Variants in BCHE observed in about 807,000 individuals in gnomAD.
BCHE encodes butyrylcholinesterase.
A neutral mutation model predicts 51.3 loss-of-function variants in BCHE; 48 were observed. The ratio of observed to expected loss-of-function variants is 0.94; its 90% CI spans 0.74 to 1.19. BCHE has a LOEUF of 1.19. Among genes scored for constraint, BCHE ranks in the 50% most tolerant of loss-of-function variants. The probability of loss-of-function intolerance (pLI) is 0.00; values close to 1 mark genes in which losing one functional copy is unlikely to be tolerated. For missense variants in BCHE, 847 were observed against 708.2 expected (o/e 1.20, Z -2.23); for synonymous variants, 251 against 238.0 (o/e 1.05, Z -0.50).
Position 165,828,196 on chromosome 3 carries a change from T to C in BCHE, c.1517+1321A>G, listed in dbSNP as rs1220156403. 1.4e-5 allele frequency: 5 copies of C among 369,022 alleles called. No homozygotes were observed. In the Admixed American group the frequency reaches 1.4e-4, roughly 10 times the overall value. 22.9% of individuals were successfully genotyped at this position (369,022 alleles called of 1,614,324 possible). A position where few individuals can be genotyped will look rare whatever the true frequency, so the allele number is the denominator to read the frequency against. On this transcript the variant is annotated intron_variant, in intron 2 of 3. Transcript: ENST00000264381. The stretch of plus-strand genomic sequence containing the variant: ...TGAGATGTGTAGTAGATTAAGACCT[T>C]AAAAAAGTAGGACTTTGTCATTAAA...
At chr3:165,817,059 T>C (rs1261240424) in intron 2 of BCHE, among the ~76,000 whole-genome samples, 1 of 152,114 alleles carries the variant, frequency 6.6e-6, no homozygotes. Context: ...GATTTCACTC[T>C]CCCAACCATA....
At chr3:165,826,170 AC>A (rs889829264) in intron 2 of BCHE, among the ~76,000 whole-genome samples, 16 of 152,292 alleles carry the variant, frequency 1.1e-4, no homozygotes, top group East Asian at 3.9e-4. Flanking sequence ...GAGAAAAAAA[AC>A]ATCTTCTACA....
In BCHE at chr3:165,830,575, T is replaced by A. The variant is rs747598704; in HGVS notation, c.459A>T (p.Leu153Phe). The A allele has an allele frequency of 3.1e-5, 50 of 1,613,866 alleles. No homozygotes were observed. The highest frequency in any genetic ancestry group is 3.8e-5 in the Non-Finnish European group (45 of 1,179,958). Residue 153 changes from leucine to phenylalanine, a missense_variant, in exon 2 of 4, where the codon TTA (leucine) becomes TTT (phenylalanine). By Grantham distance (22) the Leu-to-Phe change is conservative. Coordinates refer to ENST00000264381, the MANE Select transcript of BCHE (RefSeq NM_000055.4). ...GGGFQTGTSS[L>F]HVYDGKFLAR... ...CCAGAAACTTGCCATCATAAACATG[T>A]AAAGATGATGTTCCAGTTTGAAAAC... is the stretch of plus-strand genomic sequence containing the variant.
intron 1 of BCHE, among the ~76,000 whole-genome samples, chr3:165,833,117 A>G (rs1192527125): frequency 6.6e-6 from 1 of 152,104 alleles, no homozygotes; most frequent in Non-Finnish European, 1.5e-5. Context: ...AAGCCACAAG[A>G]TTATTATTTT....
In BCHE at chr3:165,773,355, A is replaced by G. The variant is rs1324413462; in HGVS notation, c.*27T>C. ...TTTTTGCCTTGATCTAAAGGAAAAT[A>G]TGTTCTATAAAGGGTAAATCTATTA... On this transcript the variant is annotated 3_prime_UTR_variant, in exon 4 of 4. Coordinates refer to ENST00000264381, the MANE Select transcript of BCHE (RefSeq NM_000055.4). The G allele has an allele frequency of 2.5e-6, 4 of 1,600,012 alleles. No individual in the cohort carries two copies. The highest frequency in any genetic ancestry group is 2.2e-5 in the South Asian group (2 of 89,778).
intron 2 of BCHE, among the ~76,000 whole-genome samples, chr3:165,804,028 G>C (rs12487357): frequency 0.099 from 14,561 of 147,636 alleles, 764 homozygotes; most frequent in Admixed American, 0.15. Context: ...TCACAAAGGA[G>C]ACTAAAATGG....
intron 2 of BCHE, among the ~76,000 whole-genome samples, chr3:165,802,704 G>A (rs1367603521): frequency 6.6e-6 from 1 of 151,176 alleles, no homozygotes; most frequent in Non-Finnish European, 1.5e-5. Context: ...GATGTTTAAT[G>A]TCATAGAAAT....
At chr3:165,812,315 A>T (rs2108222500) in intron 2 of BCHE, among the ~76,000 whole-genome samples, 1 of 149,072 alleles carries the variant, frequency 6.7e-6, no homozygotes, top group East Asian at 2.0e-4. Flanking sequence ...CACTACGTTT[A>T]TCATGTATTT....
chr3:165,782,550 GT>G (rs1712747963), intron 3 of BCHE, among the ~76,000 whole-genome samples: 1 of 151,962 alleles, frequency 6.6e-6, no homozygotes, highest in African/African-American at 2.4e-5. Flanking sequence ...TTTGTGTGTG[GT>G]TGTTGTTTTT....
At chr3:165,834,514 T>C (rs1715115262) in intron 1 of BCHE, among the ~76,000 whole-genome samples, 1 of 151,924 alleles carries the variant, frequency 6.6e-6, no homozygotes, top group South Asian at 2.1e-4. Flanking sequence ...ATACTGTTAG[T>C]GTATTGTAGG....
chr3:165,829,814 T>C lies in BCHE; in HGVS notation c.1220A>G (p.Asp407Gly). 6.2e-7 allele frequency: 1 copy of C among 1,613,908 alleles called. No individual in the cohort carries two copies. Among genetic ancestry groups the C allele is most frequent in the Non-Finnish European group, 8.5e-7 (1 of 1,179,898 alleles). ...CTCACGGTAGTTTTCAGGTCTCTGA[T>C]CATCTACCCAGTCTGTGTAATGAAA... Reference protein sequence around the residue: ...ILFHYTDWVDDQRPENYREAL... With the variant: ...ILFHYTDWVDGQRPENYREAL... The change falls in exon 2 of 4, where the codon GAT (aspartate) becomes GGT (glycine). Residue 407 changes from aspartate (D) to glycine (G), a missense_variant. Transcript: ENST00000264381.
At chr3:165,818,695 A>T (rs910128540) in intron 2 of BCHE, among the ~76,000 whole-genome samples, 1 of 152,146 alleles carries the variant, frequency 6.6e-6, no homozygotes, top group Non-Finnish European at 1.5e-5. Flanking sequence ...GAAGCAGAGG[A>T]AGAGACGTTA....
At chr3:165,783,745 C>T (rs1294991134) in intron 3 of BCHE, among the ~76,000 whole-genome samples, 2 of 151,948 alleles carry the variant, frequency 1.3e-5, no homozygotes, top group Non-Finnish European at 2.9e-5. Context: ...TTATCCTTGA[C>T]AGTGGGTCAT....
intron 2 of BCHE, among the ~76,000 whole-genome samples, chr3:165,819,088 T>TC (rs1714415856): frequency 2.0e-5 from 3 of 151,244 alleles, no homozygotes; most frequent in Non-Finnish European, 4.4e-5. Flanking sequence ...TTTTTTTTTT[T>TC]TTCTCCTGAG....
chr3:165,797,187 TCGTTCTTCCCTC>T (rs1294052735), intron 2 of BCHE, among the ~76,000 whole-genome samples: 1 of 92,246 alleles, frequency 1.1e-5, no homozygotes, highest in African/African-American at 4.3e-5. Flanking sequence ...CTTCCCTCCT[TCGTTCTTCCCTC>T]CCTTCCTTCC....
intron 3 of BCHE, among the ~76,000 whole-genome samples, chr3:165,774,980 A>G (rs944424645): frequency 1.3e-5 from 2 of 152,188 alleles, no homozygotes; most frequent in South Asian, 2.1e-4. Context: ...AGCAATATAT[A>G]TAACTGTGGT....
intron 2 of BCHE, among the ~76,000 whole-genome samples, chr3:165,805,836 A>G (rs183940565): frequency 9.2e-5 from 14 of 152,302 alleles, no homozygotes; most frequent in South Asian, 8.3e-4. Flanking sequence ...GATATTGCTA[A>G]GTAAGAAAAC....
At chr3:165,774,999 T>C (rs1036047366) in intron 3 of BCHE, among the ~76,000 whole-genome samples, 1 of 152,180 alleles carries the variant, frequency 6.6e-6, no homozygotes, top group African/African-American at 2.4e-5. Context: ...GTTTTCTTTT[T>C]AAACTTTTAG....
intron 2 of BCHE, among the ~76,000 whole-genome samples, chr3:165,821,250 C>G (rs1414085515): frequency 6.6e-6 from 1 of 151,416 alleles, no homozygotes; most frequent in Non-Finnish European, 1.5e-5. Flanking sequence ...AAAGTAAATT[C>G]AATTATAATT....
Sources: gnomAD v4.1 joint callset for allele counts (sites outside exome capture counted in the v4.1 genomes callset) on GRCh38, gnomAD v4.1.1 for gene constraint, MANE v1.5 for transcripts, NCBI Gene and HGNC (gene_info 2026-07-23, HGNC 2026-07-21) for gene names.